Variants in DENND2B observed in about 807,000 individuals in gnomAD.
The protein encoded by DENND2B is DENN domain containing 2B.
A neutral mutation model predicts 116.0 loss-of-function variants in DENND2B; 32 were observed. That is an observed-to-expected ratio of 0.28 (90% confidence interval 0.21 to 0.37). The LOEUF (loss-of-function observed/expected upper bound fraction) is 0.37. Among genes scored for constraint, DENND2B ranks in the 10% least tolerant of loss-of-function variants. DENND2B has a pLI of 1.00. For synonymous variants in DENND2B, 588 were observed against 583.9 expected (o/e 1.01, Z -0.10); for missense variants, 1,276 against 1,477.7 (o/e 0.86, Z 2.24).
chr11:8,892,434 TTCAAAAAA>T (rs1566087305), intron 1 of DENND2B, among the ~76,000 whole-genome samples: 1 of 152,004 alleles, frequency 6.6e-6, no homozygotes, highest in Non-Finnish European at 1.5e-5. Context: ...CAAAAAAACC[TTCAAAAAA>T]TCAATGAATC....
chr11:8,767,365 G>A (rs998840640), intron 1 of DENND2B, among the ~76,000 whole-genome samples: 1 of 152,176 alleles, frequency 6.6e-6, no homozygotes, highest in African/African-American at 2.4e-5. Flanking sequence ...GGGATTAGAT[G>A]TGTTTTCTAG....
intron 1 of DENND2B, among the ~76,000 whole-genome samples, chr11:8,892,942 A>C (rs1331824369): frequency 2.0e-5 from 3 of 152,120 alleles, no homozygotes; most frequent in African/African-American, 4.8e-5. Flanking sequence ...GAGACACAAC[A>C]AAAAAAGAGA....
chr11:8,749,016 T>C (rs1231929295), intron 2 of DENND2B, among the ~76,000 whole-genome samples: 1 of 152,170 alleles, frequency 6.6e-6, no homozygotes, highest in East Asian at 1.9e-4. Flanking sequence ...ATACAATTTC[T>C]TTAAAATTAC....
intron 4 of DENND2B, among the ~76,000 whole-genome samples, chr11:8,830,051 C>A (rs952506605): frequency 2.0e-5 from 3 of 152,168 alleles, no homozygotes; most frequent in African/African-American, 7.2e-5. Flanking sequence ...CTGTTGCTGA[C>A]CTGCCAGGTC....
chr11:8,870,926 C>G (rs2063762202), intron 2 of DENND2B: 1 of 151,974 alleles, frequency 6.6e-6, no homozygotes, highest in African/African-American at 2.4e-5. Flanking sequence ...ACGCGGGAAC[C>G]GGGGCCACCC....
intron 1 of DENND2B, among the ~76,000 whole-genome samples, chr11:8,804,230 G>A (rs771773815): frequency 3.3e-5 from 5 of 152,188 alleles, no homozygotes; most frequent in Admixed American, 6.5e-5. Flanking sequence ...CCTTCCTAAC[G>A]TGTAGGCCAG....
At chr11:8,767,552 T>C (rs2056071504) in intron 1 of DENND2B, among the ~76,000 whole-genome samples, 1 of 152,112 alleles carries the variant, frequency 6.6e-6, no homozygotes, top group African/African-American at 2.4e-5. Context: ...TTCCAGAACT[T>C]AAAAGGAACT....
chr11:8,882,773 A>G lies in DENND2B; in HGVS notation c.-255-1664T>C, dbSNP rs546423635. Among the ~76,000 whole-genome samples, 71 of 152,292 alleles carry G rather than the reference A, an allele frequency of 4.7e-4. 1 individual carries two copies. Among genetic ancestry groups the G allele is most frequent in the African/African-American group, 1.6e-3 (68 of 41,568 alleles). ...GAGGCCAAGGTGAGTGGACTGCTTG[A>G]GCCCAGCAGTTGGAGATCAGCCTAG... On this transcript the variant is annotated intron_variant, in intron 1 of 22. Coordinates refer to the DENND2B transcript ENST00000534127.
chr11:8,837,728 T>G (rs2134604731), intron 4 of DENND2B, among the ~76,000 whole-genome samples: 1 of 152,248 alleles, frequency 6.6e-6, no homozygotes, highest in South Asian at 2.1e-4. Flanking sequence ...CATACCACCC[T>G]CAGGGTACAA....
At chr11:8,711,971 C>G (rs1238707101) in intron 9 of DENND2B, 1 of 455,838 alleles carries the variant, frequency 2.2e-6, no homozygotes, top group Non-Finnish European at 4.4e-6. Context: ...AGAGGTCCTA[C>G]TTGAGCAGAG....
intron 4 of DENND2B, among the ~76,000 whole-genome samples, chr11:8,835,054 T>A (rs575191367): frequency 1.1e-4 from 16 of 152,276 alleles, no homozygotes; most frequent in African/African-American, 3.6e-4. Context: ...AAGACCAGCC[T>A]GGGCAACATG....
chr11:8,820,810 T>TAC, intron 4 of DENND2B, among the ~76,000 whole-genome samples: 1 of 152,230 alleles, frequency 6.6e-6, no homozygotes, highest in South Asian at 2.1e-4. Context: ...CTAGATGGAC[T>TAC]ATTGTGCAGC....
chr11:8,783,003 T>G (rs1366663901), intron 1 of DENND2B, among the ~76,000 whole-genome samples: 1 of 151,230 alleles, frequency 6.6e-6, no homozygotes, highest in African/African-American at 2.4e-5. Context: ...GTTATACAAG[T>G]AGGCACAGCT....
rs186964569 is a variant in DENND2B at position 8,716,285 on chromosome 11, C to T, written c.1630-467G>A. Among the ~76,000 whole-genome samples the T allele has an allele frequency of 8.5e-5, 13 of 152,314 alleles. No homozygotes were observed. In the East Asian group the frequency reaches 2.5e-3, roughly 29 times the overall value. On this transcript the variant is annotated intron_variant, in intron 5 of 19. Transcript: ENST00000313726. ...TCCTGCAGCCTGGCCCTCCTAACTGCTCCCATGGAGAACACAGGGGCTCTG... is the reference window on the plus strand; with the variant it reads ...TCCTGCAGCCTGGCCCTCCTAACTGTTCCCATGGAGAACACAGGGGCTCTG...
At chr11:8,762,907 A>G (rs1019073739) in intron 1 of DENND2B, among the ~76,000 whole-genome samples, 1 of 152,218 alleles carries the variant, frequency 6.6e-6, no homozygotes, top group Non-Finnish European at 1.5e-5. Flanking sequence ...AAATTAGACT[A>G]CATTAAATAA....
At chr11:8,870,581 G>T (rs2063746521) in intron 2 of DENND2B, among the ~76,000 whole-genome samples, 1 of 149,646 alleles carries the variant, frequency 6.7e-6, no homozygotes, top group Non-Finnish European at 1.5e-5. Flanking sequence ...ACAGCTCCAG[G>T]TAGGAGCTCG....
At chr11:8,735,317 C>A (rs112517505) in intron 2 of DENND2B, among the ~76,000 whole-genome samples, 2 of 152,286 alleles carry the variant, frequency 1.3e-5, no homozygotes, top group Non-Finnish European at 2.9e-5. Flanking sequence ...CTGTCAATAG[C>A]CAGCCTACAA....
intron 10 of DENND2B, 86 bp from the exon 11 acceptor site, chr11:8,711,000 G>C (rs1170371228): frequency 6.4e-6 from 10 of 1,573,094 alleles, no homozygotes; most frequent in Non-Finnish European, 8.7e-6. Flanking sequence ...ATTTTCACGT[G>C]GGGTGAAGGG....
intron 4 of DENND2B, among the ~76,000 whole-genome samples, chr11:8,832,400 C>T (rs1211909365): frequency 1.4e-5 from 2 of 147,974 alleles, no homozygotes; most frequent in African/African-American, 5.1e-5. Context: ...TGCTGTGGGC[C>T]GAGATTGTGC....
Sources: gnomAD v4.1 joint callset for allele counts (sites outside exome capture counted in the v4.1 genomes callset) on GRCh38, gnomAD v4.1.1 for gene constraint, MANE v1.5 for transcripts, NCBI Gene and HGNC (gene_info 2026-07-23, HGNC 2026-07-21) for gene names.